KCNN2: variants seen among roughly 807,000 people sequenced by gnomAD.
KCNN2 encodes the protein small conductance calcium-activated potassium channel protein 2.
Under a neutral mutation model 55.5 loss-of-function variants are expected in KCNN2, and 24 were observed. That is an observed-to-expected ratio of 0.43 (90% CI 0.31 to 0.61). The LOEUF (loss-of-function observed/expected upper bound fraction) is 0.61, where lower values mean the gene tolerates loss of function less well. KCNN2 is among the 20% of genes least tolerant of loss of function. KCNN2 has a pLI of 0.08. For synonymous variants in KCNN2, 431 were observed against 336.1 expected (o/e 1.28, Z -3.09); for missense variants, 754 against 853.6 (o/e 0.88, Z 1.45).
intron 1 of KCNN2, among the ~76,000 whole-genome samples, chr5:114,104,681 A>G (rs780572729): frequency 8.5e-5 from 13 of 152,084 alleles, no homozygotes; most frequent in Non-Finnish European, 7.4e-5. Flanking sequence ...TACAAGAATG[A>G]TAAAAGCAAC....
At chr5:114,378,510 A>T (rs1758009852) in intron 2 of KCNN2, among the ~76,000 whole-genome samples, 1 of 152,160 alleles carries the variant, frequency 6.6e-6, no homozygotes, top group South Asian at 2.1e-4. Flanking sequence ...AGATTTTTGT[A>T]GGTGCAAGGC....
intron 2 of KCNN2, among the ~76,000 whole-genome samples, chr5:114,382,567 C>T (rs960044123): frequency 3.3e-5 from 5 of 152,220 alleles, no homozygotes; most frequent in African/African-American, 1.2e-4. Flanking sequence ...CTTTGAAGCA[C>T]TAGACATAGA....
intron 1 of KCNN2, among the ~76,000 whole-genome samples, chr5:114,114,304 C>T (rs1033717529): frequency 6.6e-6 from 1 of 152,120 alleles, no homozygotes; most frequent in African/African-American, 2.4e-5. Context: ...TCATAGCTCA[C>T]TGTAACCATG....
At chr5:114,257,294 T>C (rs1755003338) in intron 2 of KCNN2, among the ~76,000 whole-genome samples, 1 of 152,188 alleles carries the variant, frequency 6.6e-6, no homozygotes, top group African/African-American at 2.4e-5. Flanking sequence ...GGTAATATGA[T>C]ACCTCCAGCT....
At chr5:114,087,928 A>G (rs543755099) in intron 1 of KCNN2, among the ~76,000 whole-genome samples, 100 of 152,074 alleles carry the variant, frequency 6.6e-4, no homozygotes, top group African/African-American at 2.4e-3. Context: ...TCTCAACTGT[A>G]TATTTTATTT....
intron 2 of KCNN2, among the ~76,000 whole-genome samples, chr5:114,314,119 C>T (rs141171243): frequency 1.1e-3 from 170 of 152,082 alleles, no homozygotes; most frequent in African/African-American, 3.9e-3. Flanking sequence ...AGGACATGAA[C>T]AAAATGAGGT....
intron 1 of KCNN2, among the ~76,000 whole-genome samples, chr5:114,078,109 A>C (rs914747621): frequency 6.6e-6 from 1 of 152,186 alleles, no homozygotes; most frequent in Non-Finnish European, 1.5e-5. Flanking sequence ...CAGAAAAATC[A>C]GGGAGGTCTA....
At chr5:114,415,454 A>G (rs1759276063) in intron 3 of KCNN2, among the ~76,000 whole-genome samples, 1 of 152,210 alleles carries the variant, frequency 6.6e-6, no homozygotes, top group African/African-American at 2.4e-5. Context: ...ATATTGTCAT[A>G]TCTGGATATG....
intron 1 of KCNN2, among the ~76,000 whole-genome samples, chr5:114,195,028 A>C (rs1753524398): frequency 6.6e-6 from 1 of 151,838 alleles, no homozygotes; most frequent in African/African-American, 2.4e-5. Context: ...GTGGATTCTT[A>C]ATTCTGTTTC....
chr5:114,393,803 T>C (rs529963390), intron 2 of KCNN2, among the ~76,000 whole-genome samples: 5 of 151,990 alleles, frequency 3.3e-5, no homozygotes, highest in Non-Finnish European at 7.4e-5. Context: ...CCCTCAGTAC[T>C]TACTTGATAT....
At chr5:114,282,188 G>A (rs1443352857) in intron 2 of KCNN2, among the ~76,000 whole-genome samples, 1 of 151,638 alleles carries the variant, frequency 6.6e-6, no homozygotes, top group Non-Finnish European at 1.5e-5. Flanking sequence ...TTTCTTTTGG[G>A]GATAGATTTG....
intron 3 of KCNN2, among the ~76,000 whole-genome samples, chr5:114,432,419 G>T (rs184362309): frequency 4.1e-4 from 63 of 152,288 alleles, no homozygotes; most frequent in Admixed American, 1.2e-3. Flanking sequence ...TATTACCATG[G>T]TATATCATTC....
intron 2 of KCNN2, among the ~76,000 whole-genome samples, chr5:114,305,446 G>T (rs938594449): frequency 1.3e-5 from 2 of 152,090 alleles, no homozygotes; most frequent in African/African-American, 4.8e-5. Context: ...CTCTGTGTTG[G>T]GGTACCAAGA....
At chr5:114,100,802 A>C (rs894523494) in intron 1 of KCNN2, among the ~76,000 whole-genome samples, 32 of 152,230 alleles carry the variant, frequency 2.1e-4, no homozygotes, top group African/African-American at 7.2e-4. Context: ...CGTATTCAAA[A>C]CCCGATATGG....
chr5:114,257,573 T>C (rs915796227), intron 2 of KCNN2, among the ~76,000 whole-genome samples: 7 of 152,270 alleles, frequency 4.6e-5, no homozygotes, highest in Admixed American at 2.6e-4. Flanking sequence ...TTTCACCTCA[T>C]TGGATAAGTG....
intron 2 of KCNN2, among the ~76,000 whole-genome samples, chr5:114,281,619 C>G (rs2150013089): frequency 9.3e-6 from 1 of 108,016 alleles, no homozygotes; most frequent in Non-Finnish European, 1.9e-5. Flanking sequence ...CCCCGCCCCT[C>G]CATCTCTGTG....
chr5:114,104,671 T>C (rs1022318160), intron 1 of KCNN2, among the ~76,000 whole-genome samples: 2 of 151,962 alleles, frequency 1.3e-5, no homozygotes, highest in South Asian at 2.1e-4. Context: ...TCAGCAAATA[T>C]ACAAGAATGA....
intron 2 of KCNN2, among the ~76,000 whole-genome samples, chr5:114,355,954 T>C (rs1033078092): frequency 3.9e-5 from 6 of 152,078 alleles, no homozygotes; most frequent in African/African-American, 1.4e-4. Flanking sequence ...TCCTCACAAA[T>C]TATTCTGTTG....
chr5:114,194,574 G>C (rs563737738), intron 1 of KCNN2, among the ~76,000 whole-genome samples: 1 of 151,898 alleles, frequency 6.6e-6, no homozygotes, highest in South Asian at 2.1e-4. Context: ...GAGTGGTAAG[G>C]GTTTGTTACG....
Sources: allele counts gnomAD v4.1 joint callset (sites outside exome capture counted in the v4.1 genomes callset), GRCh38; gene constraint gnomAD v4.1.1; transcripts MANE v1.5; gene names NCBI Gene and HGNC (gene_info 2026-07-23, HGNC 2026-07-21).